SCHIP1: variants seen among roughly 807,000 people sequenced by gnomAD.
SCHIP1 encodes schwannomin-interacting protein 1.
SCHIP1 carries 8 observed loss-of-function variants against 29.7 expected under a neutral mutation model. The ratio of observed to expected loss-of-function variants is 0.27; its 90% CI spans 0.16 to 0.49. The LOEUF (loss-of-function observed/expected upper bound fraction) is 0.49. Ranked by LOEUF, SCHIP1 falls within the 20% of genes least tolerant of loss-of-function variation. SCHIP1 has a pLI of 0.99. For synonymous variants in SCHIP1, 76 were observed against 94.9 expected, an observed-to-expected ratio of 0.80 and a Z score of 1.16; for missense variants, 193 against 294.6, an observed-to-expected ratio of 0.66 and a Z score of 2.52.
chr3:159,854,545 A>G (rs986028818), intron 1 of SCHIP1, among the ~76,000 whole-genome samples: 17 of 152,264 alleles, frequency 1.1e-4, no homozygotes, highest in Admixed American at 2.6e-4. Context: ...TGTGATCCCC[A>G]AGACAGGAAT....
chr3:159,394,540 G>C, the SCHIP1 span, among the ~76,000 whole-genome samples: 1 of 152,088 alleles, frequency 6.6e-6, no homozygotes, highest in Non-Finnish European at 1.5e-5. Flanking sequence ...GTTGAATTTT[G>C]TCAAAGGCCT....
chr3:159,697,338 G>GTA, the SCHIP1 span, among the ~76,000 whole-genome samples: 4 of 152,162 alleles, frequency 2.6e-5, no homozygotes, highest in African/African-American at 7.2e-5. Flanking sequence ...GGGAATTTTT[G>GTA]GATGGAGAGA....
At chr3:159,647,862 A>G in the SCHIP1 span, among the ~76,000 whole-genome samples, 1 of 152,140 alleles carries the variant, frequency 6.6e-6, no homozygotes, top group Non-Finnish European at 1.5e-5. Context: ...TAGAAACATT[A>G]TGTTTCTTTA....
At chr3:159,631,891 A>G in the SCHIP1 span, among the ~76,000 whole-genome samples, 1 of 152,132 alleles carries the variant, frequency 6.6e-6, no homozygotes, top group South Asian at 2.1e-4. Flanking sequence ...AATATTAACA[A>G]TGGTTTCTCT....
chr3:159,285,172 T>C, the SCHIP1 span, among the ~76,000 whole-genome samples: 5 of 152,138 alleles, frequency 3.3e-5, no homozygotes, highest in African/African-American at 1.2e-4. Context: ...CATATAGAAA[T>C]ATAATCCTAC....
the SCHIP1 span, among the ~76,000 whole-genome samples, chr3:159,560,435 G>A: frequency 6.6e-6 from 1 of 152,098 alleles, no homozygotes; most frequent in Non-Finnish European, 1.5e-5. Context: ...AAATTAAATG[G>A]AAAGTTTTTG....
rs192724178 is a variant in SCHIP1, at chr3:159,877,338, G to A, written c.150-8869G>A. ...GCACTCCAGCCTGGGTGACAAGAGCGAAACTCTGTTTCAAAGAATAAAAAA... is the reference window on the plus strand; with the variant it reads ...GCACTCCAGCCTGGGTGACAAGAGCAAAACTCTGTTTCAAAGAATAAAAAA... On this transcript the variant is annotated intron_variant, in intron 2 of 6. Transcript: ENST00000445224. Among the ~76,000 whole-genome samples the A allele has an allele frequency of 4.7e-3, 713 of 152,272 alleles. 8 individuals carry two copies. The highest frequency in any genetic ancestry group is 0.016 in the African/African-American group (669 of 41,552).
At chr3:159,684,641 T>C in the SCHIP1 span, among the ~76,000 whole-genome samples, 2 of 151,476 alleles carry the variant, frequency 1.3e-5, no homozygotes, top group Non-Finnish European at 2.9e-5. Context: ...CCATCTCTAC[T>C]AAAAATACAA....
At chr3:159,390,382 A>C in the SCHIP1 span, among the ~76,000 whole-genome samples, 31 of 152,100 alleles carry the variant, frequency 2.0e-4, no homozygotes, top group East Asian at 5.8e-3. Flanking sequence ...ATACTGTTGA[A>C]CTCTAGGTTG....
At chr3:159,473,383 G>A in the SCHIP1 span, among the ~76,000 whole-genome samples, 2 of 152,016 alleles carry the variant, frequency 1.3e-5, no homozygotes, top group Non-Finnish European at 1.5e-5. Flanking sequence ...TGGCAGAAAA[G>A]CCAGCAATTC....
the SCHIP1 span, among the ~76,000 whole-genome samples, chr3:159,526,178 C>G: frequency 6.6e-6 from 1 of 152,146 alleles, no homozygotes; most frequent in South Asian, 2.1e-4. Context: ...ATGACACAAC[C>G]TTTTATTTTA....
At chr3:159,612,691 G>A in the SCHIP1 span, among the ~76,000 whole-genome samples, 2 of 152,170 alleles carry the variant, frequency 1.3e-5, no homozygotes, top group South Asian at 4.1e-4. Flanking sequence ...AGGTTGCAGT[G>A]AGCCGAGATC....
At chr3:159,315,845 A>G in the SCHIP1 span, among the ~76,000 whole-genome samples, 1 of 152,106 alleles carries the variant, frequency 6.6e-6, no homozygotes, top group African/African-American at 2.4e-5. Flanking sequence ...GTTAGACATA[A>G]AACATACTCA....
the SCHIP1 span, among the ~76,000 whole-genome samples, chr3:159,518,638 A>G: frequency 1.1e-4 from 17 of 152,114 alleles, no homozygotes; most frequent in Non-Finnish European, 2.4e-4. Flanking sequence ...CAGAGTGTTA[A>G]ACATAAAATA....
the SCHIP1 span, among the ~76,000 whole-genome samples, chr3:159,821,949 A>C: frequency 6.6e-6 from 1 of 152,240 alleles, no homozygotes; most frequent in Middle Eastern, 3.2e-3. Flanking sequence ...GTGTGGATGC[A>C]CTGGACAAAG....
the SCHIP1 span, among the ~76,000 whole-genome samples, chr3:159,728,018 A>T: frequency 1.3e-5 from 2 of 150,038 alleles, no homozygotes; most frequent in East Asian, 1.9e-4. Flanking sequence ...TTTTTTTTTA[A>T]AAAGGCAATC....
the SCHIP1 span, among the ~76,000 whole-genome samples, chr3:159,832,882 G>C: frequency 2.0e-5 from 3 of 152,192 alleles, no homozygotes; most frequent in Non-Finnish European, 2.9e-5. Context: ...TTTTGAGAGA[G>C]AGACCACATT....
At chr3:159,704,396 T>C in the SCHIP1 span, among the ~76,000 whole-genome samples, 1 of 137,354 alleles carries the variant, frequency 7.3e-6, no homozygotes, top group African/African-American at 2.9e-5. Flanking sequence ...GATGGTGCCA[T>C]TGCGCTCCAG....
chr3:159,525,394 T>C, the SCHIP1 span, among the ~76,000 whole-genome samples: 1 of 152,206 alleles, frequency 6.6e-6, no homozygotes, highest in Non-Finnish European at 1.5e-5. Context: ...GCTGAATGAA[T>C]GAATGAATGA....
Sources: gnomAD v4.1 joint callset for allele counts (sites outside exome capture counted in the v4.1 genomes callset) on GRCh38, gnomAD v4.1.1 for gene constraint, MANE v1.5 for transcripts, NCBI Gene and HGNC (gene_info 2026-07-23, HGNC 2026-07-21) for gene names.